The following STXBP5L variants were observed in gnomAD, a reference collection of about 807,000 sequenced individuals.
STXBP5L encodes the protein syntaxin-binding protein 5-like.
A neutral mutation model predicts 144.5 loss-of-function variants in STXBP5L; 65 were observed. The ratio of observed to expected loss-of-function variants is 0.45; its 90% confidence interval spans 0.37 to 0.55. STXBP5L has a LOEUF of 0.55. Among genes scored for constraint, STXBP5L ranks in the 20% least tolerant of loss-of-function variants. STXBP5L has a pLI of 0.00. For missense variants in STXBP5L, 1,298 were observed against 1,405.5 expected, an observed-to-expected ratio of 0.92 and a Z score of 1.22; for synonymous variants, 505 against 469.6, an observed-to-expected ratio of 1.08 and a Z score of -0.97.
intron 5 of STXBP5L, among the ~76,000 whole-genome samples, chr3:121,053,745 A>G (rs1388893965): frequency 6.6e-6 from 1 of 152,220 alleles, no homozygotes. Flanking sequence ...AATGGCATCT[A>G]ATTAAACTAA....
At chr3:121,306,307 T>G (rs992836085) in intron 19 of STXBP5L, among the ~76,000 whole-genome samples, 5 of 152,074 alleles carry the variant, frequency 3.3e-5, no homozygotes, top group African/African-American at 1.2e-4. Context: ...AGAGACCAAA[T>G]TCCTGGGAAG....
chr3:120,959,216 G>A (rs565893518), intron 3 of STXBP5L, among the ~76,000 whole-genome samples: 1 of 152,134 alleles, frequency 6.6e-6, no homozygotes, highest in South Asian at 2.1e-4. Flanking sequence ...ACCTCTTCAA[G>A]GAGAACTACA....
intron 3 of STXBP5L, among the ~76,000 whole-genome samples, chr3:120,997,839 T>C (rs1943470184): frequency 6.6e-6 from 1 of 152,142 alleles, no homozygotes; most frequent in South Asian, 2.1e-4. Flanking sequence ...GCAAATGAAA[T>C]AGAAGCAAAC....
chr3:121,350,288 C>T (rs1434982958), intron 20 of STXBP5L, among the ~76,000 whole-genome samples: 1 of 152,170 alleles, frequency 6.6e-6, no homozygotes, highest in Non-Finnish European at 1.5e-5. Flanking sequence ...ATATTGGCCT[C>T]CACTCTCTTC....
At chr3:121,283,259 C>G (rs1229120083) in intron 19 of STXBP5L, among the ~76,000 whole-genome samples, 4 of 151,930 alleles carry the variant, frequency 2.6e-5, no homozygotes, top group Non-Finnish European at 5.9e-5. Flanking sequence ...GGAATCTTAT[C>G]AGTAATAAAA....
At chr3:121,281,367 G>T (rs1286101154) in intron 19 of STXBP5L, among the ~76,000 whole-genome samples, 1 of 151,892 alleles carries the variant, frequency 6.6e-6, no homozygotes, top group African/African-American at 2.4e-5. Context: ...TTGAAAGGAA[G>T]ACAAAATAAC....
intron 20 of STXBP5L, among the ~76,000 whole-genome samples, chr3:121,366,866 G>C (rs2045878588): frequency 6.6e-6 from 1 of 151,978 alleles, no homozygotes. Flanking sequence ...TTAGCTGACT[G>C]TTAAATGGGA....
At chr3:120,922,448 C>G (rs1709402782) in intron 2 of STXBP5L, among the ~76,000 whole-genome samples, 1 of 151,854 alleles carries the variant, frequency 6.6e-6, no homozygotes, top group African/African-American at 2.4e-5. Context: ...ATTGGATACC[C>G]CTTTATTTTT....
At chr3:121,328,973 C>G (rs1448532077) in intron 20 of STXBP5L, among the ~76,000 whole-genome samples, 5 of 151,648 alleles carry the variant, frequency 3.3e-5, no homozygotes, top group Non-Finnish European at 5.9e-5. Context: ...AAAAAAAGAA[C>G]TAATCATAAT....
intron 8 of STXBP5L, among the ~76,000 whole-genome samples, chr3:121,156,707 ATTT>A (rs1377943484): frequency 2.8e-4 from 42 of 151,934 alleles, no homozygotes; most frequent in Admixed American, 7.9e-4. Flanking sequence ...AATAGGAAAT[ATTT>A]TAAAAACAAA....
chr3:121,101,576 T>C (rs1005761174), intron 5 of STXBP5L, among the ~76,000 whole-genome samples: 1 of 152,064 alleles, frequency 6.6e-6, no homozygotes, highest in Admixed American at 6.6e-5. Flanking sequence ...CGAAGGAATA[T>C]ATACCATAGA....
Position 121,378,859 on chromosome 3 carries a change from G to A in STXBP5L, c.2320G>A (p.Glu774Lys). ...FRKAQSAACM[E>K]ISLPVTTEEN... ...AAAGGCCCAGTCAGCAGCCTGCATG[G>A]AGATTTCTTTACCAGTTACAACAGA... Residue 774 changes from glutamate (E) to lysine (K), a missense_variant, in exon 21 of 27, where the codon GAG becomes AAG. By Grantham distance (56) the Glu-to-Lys change is moderately conservative. Transcript: ENST00000471454. 6.2e-7 allele frequency: 1 copy of A among 1,613,514 alleles called. No homozygotes were observed. The highest frequency in any genetic ancestry group is 8.5e-7 in the Non-Finnish European group (1 of 1,179,730).
chr3:121,243,062 A>AACTCATGGCTTCACCTTT (rs1471896037), intron 14 of STXBP5L, among the ~76,000 whole-genome samples: 9 of 152,160 alleles, frequency 5.9e-5, no homozygotes, highest in African/African-American at 9.7e-5. Context: ...GGAAAAGTGC[A>AACTCATGGCTTCACCTTT]ACTCATGGCT....
chr3:121,100,308 C>T (rs1228358426), intron 5 of STXBP5L, among the ~76,000 whole-genome samples: 1 of 152,156 alleles, frequency 6.6e-6, no homozygotes, highest in African/African-American at 2.4e-5. Flanking sequence ...CTCTTGTCTT[C>T]TGCACACAGA....
At chr3:121,332,068 C>A (rs376116799) in intron 20 of STXBP5L, among the ~76,000 whole-genome samples, 229 of 132,948 alleles carry the variant, frequency 1.7e-3, no homozygotes, top group Middle Eastern at 3.9e-3. Context: ...CTTTAAGAGA[C>A]AAAAAAAAAA....
chr3:120,973,526 T>G (rs1419837230), intron 3 of STXBP5L, among the ~76,000 whole-genome samples: 1 of 151,990 alleles, frequency 6.6e-6, no homozygotes, highest in African/African-American at 2.4e-5. Flanking sequence ...GAATACTAAC[T>G]TTTCATTTCT....
At chr3:121,320,854 C>T (rs533672876) in intron 20 of STXBP5L, among the ~76,000 whole-genome samples, 1 of 152,058 alleles carries the variant, frequency 6.6e-6, no homozygotes, top group Non-Finnish European at 1.5e-5. Context: ...GAGCGTGTCA[C>T]ACACCCAGCT....
At chr3:121,137,433 A>G (rs2045311329) in intron 7 of STXBP5L, among the ~76,000 whole-genome samples, 1 of 152,268 alleles carries the variant, frequency 6.6e-6, no homozygotes, top group Non-Finnish European at 1.5e-5. Flanking sequence ...GAAAGCCTAG[A>G]AGAAATAGAT....
rs1168739619 is a variant in STXBP5L at position 121,313,206 on chromosome 3, G to A, written c.2111-5269G>A. Among the ~76,000 whole-genome samples, 13 of 142,020 alleles carry A rather than the reference G, an allele frequency of 9.2e-5. No individual in the cohort carries two copies. In the South Asian group the frequency reaches 1.4e-3, roughly 15 times the overall value. 93.2% of individuals were successfully genotyped at this position (142,020 alleles called of 152,430 possible). On this transcript the variant is annotated intron_variant, in intron 19 of 26. Coordinates refer to ENST00000471454, the MANE Select transcript of STXBP5L (RefSeq NM_001308330.2). ...CACCTCCCGGACGGGGCGGCCGGCC[G>A]GAAGGGGGGCTGACCCCCCCCACCT...
Sources: gnomAD v4.1 joint callset for allele counts (sites outside exome capture counted in the v4.1 genomes callset) on GRCh38, gnomAD v4.1.1 for gene constraint, MANE v1.5 for transcripts, NCBI Gene and HGNC (gene_info 2026-07-23, HGNC 2026-07-21) for gene names.